ICE2: variants seen among roughly 807,000 people sequenced by gnomAD.
ICE2 encodes little elongation complex subunit 2.
Under a neutral mutation model 105.4 loss-of-function variants are expected in ICE2, and 87 were observed. The observed-to-expected ratio is 0.83, with a 90% confidence interval of 0.69 to 0.99. The LOEUF (loss-of-function observed/expected upper bound fraction) is 0.99, where lower values mean the gene tolerates loss of function less well. Among genes scored for constraint, ICE2 ranks in the 50% least tolerant of loss-of-function variants. ICE2 has a pLI of 0.00. For synonymous variants in ICE2, 399 were observed against 392.0 expected (o/e 1.02, Z -0.21); for missense variants, 1,323 against 1,146.7 (o/e 1.15, Z -2.22).
In ICE2 at chr15:60,472,792, A is replaced by G. The variant is rs557496008; in HGVS notation, c.146+3271T>C. ...CACCTGAGCCCAGGAATTTGAGTCT[A>G]GCCTGGGCAACATGGCAAGACACCA... On this transcript the variant is annotated intron_variant, in intron 3 of 15. Coordinates refer to ENST00000261520, the MANE Select transcript of ICE2 (RefSeq NM_024611.6). 1.7e-3 allele frequency among the ~76,000 whole-genome samples: 257 copies of G among 152,312 alleles called. 1 individual carries two copies. The highest frequency in any genetic ancestry group is 5.9e-3 in the African/African-American group (247 of 41,564).
intron 12 of ICE2, among the ~76,000 whole-genome samples, chr15:60,436,720 C>CAAAAAAAA (rs58594280): frequency 6.8e-4 from 60 of 87,970 alleles, no homozygotes; most frequent in African/African-American, 1.1e-3. Context: ...GACTCTGTCT[C>CAAAAAAAA]AAAAAAAAAA....
At chr15:60,466,199 T>C (rs2141136640) in intron 5 of ICE2, among the ~76,000 whole-genome samples, 1 of 152,356 alleles carries the variant, frequency 6.6e-6, no homozygotes, top group Non-Finnish European at 1.5e-5. Context: ...TATCATTTTG[T>C]GGCTGGTTAC....
At chr15:60,476,224 T>C (rs2141178798) in intron 2 of ICE2, 57 bp from the exon 3 acceptor site, 5 of 1,044,058 alleles carry the variant, frequency 4.8e-6, no homozygotes, top group Non-Finnish European at 7.3e-6. Flanking sequence ...TGCTAGACTA[T>C]GACACATAAT....
At chr15:60,461,193 G>C (rs1193904376) in intron 5 of ICE2, among the ~76,000 whole-genome samples, 11 of 152,024 alleles carry the variant, frequency 7.2e-5, no homozygotes, top group Non-Finnish European at 1.6e-4. Flanking sequence ...TAGAACACAT[G>C]AAATCACTAA....
chr15:60,446,762 A>T (rs974656444), intron 11 of ICE2, among the ~76,000 whole-genome samples: 1 of 152,168 alleles, frequency 6.6e-6, no homozygotes, highest in African/African-American at 2.4e-5. Flanking sequence ...GAACATCACT[A>T]GTCTGGATTC....
intron 3 of ICE2, among the ~76,000 whole-genome samples, chr15:60,469,446 T>TA (rs1010477988): frequency 2.3e-4 from 35 of 149,824 alleles, no homozygotes; most frequent in Admixed American, 4.7e-4. Context: ...CCCTGGAACT[T>TA]AAAAAAAAAC....
At chr15:60,475,997 T>C (rs111478292) in intron 3 of ICE2, 66 bp downstream of exon 3, 19 of 1,083,836 alleles carry the variant, frequency 1.8e-5, no homozygotes, top group Non-Finnish European at 2.3e-5. Flanking sequence ...GAGATACACA[T>C]AAAACTTCAA....
chr15:60,432,523 C>T (rs2063485011), intron 13 of ICE2, among the ~76,000 whole-genome samples: 2 of 151,310 alleles, frequency 1.3e-5, no homozygotes, highest in South Asian at 4.2e-4. Flanking sequence ...CTTTCATTAT[C>T]ATAATGTATT....
chr15:60,446,799 C>T (rs529031583), intron 11 of ICE2, among the ~76,000 whole-genome samples: 233 of 152,212 alleles, frequency 1.5e-3, no homozygotes, highest in African/African-American at 5.2e-3. Flanking sequence ...AAAACACAGA[C>T]ATTCAAAGTG....
At chr15:60,426,362 C>A (rs1255402659) in intron 15 of ICE2, among the ~76,000 whole-genome samples, 1 of 152,172 alleles carries the variant, frequency 6.6e-6, no homozygotes. Context: ...ACATGCTGTA[C>A]AGGTCTGTAG....
In ICE2 at chr15:60,449,160, G is replaced by A. The variant is rs1322335064; in HGVS notation, c.1807C>T (p.Pro603Ser). The stretch of plus-strand genomic sequence containing the variant: ...CCTGAGGAAGAATTTGGACTAGCTG[G>A]TCTGGAACTTAAGTTAGAACCCACA... Reference protein sequence around the residue: ...AVVGSNLSSRPASPNSSSGQA... With the variant: ...AVVGSNLSSRSASPNSSSGQA... The change falls in exon 10 of 16, where the codon CCA (proline) becomes TCA (serine). Residue 603 changes from proline to serine, a missense_variant. Pro to Ser is a moderately conservative substitution (Grantham distance 74, BLOSUM62 -1). Coordinates refer to ENST00000261520, the MANE Select transcript of ICE2 (RefSeq NM_024611.6). 1.9e-6 allele frequency: 3 copies of A among 1,613,874 alleles called. No homozygotes were observed. The South Asian group carries it at 3.3e-5, about 18-fold the overall frequency.
In ICE2 at chr15:60,436,863, T is replaced by C. The variant is rs1021496865; in HGVS notation, c.2426-636A>G. Among the ~76,000 whole-genome samples the C allele has an allele frequency of 1.4e-4, 22 of 152,156 alleles. 1 individual carries two copies. The highest frequency in any genetic ancestry group is 8.5e-4 in the Admixed American group (13 of 15,270). On this transcript the variant is annotated intron_variant, in intron 12 of 15. Transcript: ENST00000261520. The stretch of plus-strand genomic sequence containing the variant: ...ATAATTTGAATTATGTTGATAATTA[T>C]GTATTATCAAAATAAGCAGATAAAA...
chr15:60,476,126 C>T lies in ICE2; in HGVS notation c.83G>A (p.Arg28Gln), dbSNP rs912762907. The part of the protein sequence containing the change: ...PKNGLKTFFS[R>Q]ENYKDHSMAP... ...CATGGAATGATCTTTATAATTTTCT[C>T]GAGAGAAAAATGTCTTAAGGCCATT... Residue 28 changes from arginine to glutamine, a missense_variant, in exon 3 of 16, where the codon CGA becomes CAA. By Grantham distance (43) the Arg-to-Gln change is conservative. Transcript: ENST00000261520. 4 of 1,606,728 alleles carry T rather than the reference C, an allele frequency of 2.5e-6. No individual in the cohort carries two copies. Among genetic ancestry groups the T allele is most frequent in the South Asian group, 1.1e-5 (1 of 89,640 alleles).
intron 11 of ICE2, chr15:60,445,384 T>G (rs971528688): frequency 3.2e-5 from 6 of 189,974 alleles, no homozygotes; most frequent in South Asian, 3.6e-4. Flanking sequence ...ATTTACTGAA[T>G]TTCCAGAGGA....
At chr15:60,477,597 G>A (rs2064801147) in intron 2 of ICE2, among the ~76,000 whole-genome samples, 1 of 152,112 alleles carries the variant, frequency 6.6e-6, no homozygotes, top group Non-Finnish European at 1.5e-5. Context: ...CTTAAAGAGG[G>A]TCTTTTTTAT....
chr15:60,430,638 T>C (rs77533826), intron 14 of ICE2, among the ~76,000 whole-genome samples: 1,957 of 152,276 alleles, frequency 0.013, 39 homozygotes, highest in African/African-American at 0.043. Context: ...TAGGAAGTTA[T>C]TGCACTTGAC....
In ICE2 at chr15:60,453,606, C is replaced by G; in HGVS notation, c.1122G>C (p.Met374Ile). 2 of 1,612,904 alleles carry G rather than the reference C, an allele frequency of 1.2e-6. No individual in the cohort carries two copies. Among genetic ancestry groups the G allele is most frequent in the Non-Finnish European group, 1.7e-6 (2 of 1,179,350 alleles). ...GGAAAAAAAAAGCATTACATACGTC[C>G]ATTTCAGATATAAACTCTTCAGGTT... ...MDKPEEFISE[M>I]DMSCEVNECR... Residue 374 changes from methionine (M) to isoleucine (I), a missense_variant, in exon 9 of 16, where the codon ATG becomes ATC. By Grantham distance (10) the Met-to-Ile change is conservative. Coordinates refer to ENST00000261520, the MANE Select transcript of ICE2 (RefSeq NM_024611.6).
chr15:60,463,044 T>C (rs1567002266), intron 5 of ICE2, among the ~76,000 whole-genome samples: 1 of 152,210 alleles, frequency 6.6e-6, no homozygotes, highest in South Asian at 2.1e-4. Flanking sequence ...TAATTTATTA[T>C]AAAATAGGCT....
At chr15:60,424,753 G>A (rs1195887861) in intron 15 of ICE2, among the ~76,000 whole-genome samples, 4 of 152,118 alleles carry the variant, frequency 2.6e-5, no homozygotes, top group South Asian at 2.1e-4. Flanking sequence ...TGATCTGCCC[G>A]CCTCAGCCTC....
Sources: gnomAD v4.1 joint callset for allele counts (sites outside exome capture counted in the v4.1 genomes callset) on GRCh38, gnomAD v4.1.1 for gene constraint, MANE v1.5 for transcripts, NCBI Gene and HGNC (gene_info 2026-07-23, HGNC 2026-07-21) for gene names.